The following NFYC variants were observed in gnomAD, a reference collection of about 807,000 sequenced individuals.
NFYC encodes nuclear transcription factor Y subunit gamma, also known as CAAT box DNA-binding protein subunit C.
Under a neutral mutation model 53.1 loss-of-function variants are expected in NFYC, and 25 were observed. That is an observed-to-expected ratio of 0.47 (90% CI 0.34 to 0.66). The LOEUF is 0.66. Among genes scored for constraint, NFYC ranks in the 30% least tolerant of loss-of-function variants. The pLI is 0.01. For missense variants in NFYC, 260 were observed against 422.7 expected, an observed-to-expected ratio of 0.62 and a Z score of 3.38; for synonymous variants, 145 against 152.6, an observed-to-expected ratio of 0.95 and a Z score of 0.37.
At chr1:40,757,185 C>T in intron 5 of NFYC, 1 of 263,228 alleles carries the variant, frequency 3.8e-6, no homozygotes, top group East Asian at 9.7e-5. Context: ...TTTTGTTGTC[C>T]CAGGCAGGGG....
intron 1 of NFYC, among the ~76,000 whole-genome samples, chr1:40,727,980 C>T (rs1474653525): frequency 6.6e-6 from 1 of 152,108 alleles, no homozygotes; most frequent in African/African-American, 2.4e-5. Context: ...ACTCTGTCAC[C>T]TAGGCTGGAG....
intron 3 of NFYC, among the ~76,000 whole-genome samples, chr1:40,748,477 A>G (rs1246661580): frequency 1.3e-5 from 2 of 152,190 alleles, no homozygotes; most frequent in African/African-American, 4.8e-5. Context: ...ATATACATGT[A>G]TCATCAAATC....
At chr1:40,723,149 A>G (rs573313576) in intron 1 of NFYC, 5 of 151,962 alleles carry the variant, frequency 3.3e-5, no homozygotes, top group Non-Finnish European at 7.4e-5. Context: ...TGAACTCTGA[A>G]GCCCGTAAGT....
intron 1 of NFYC, chr1:40,712,461 A>G (rs1643960848): frequency 6.6e-6 from 1 of 152,186 alleles, no homozygotes; most frequent in African/African-American, 2.4e-5. Flanking sequence ...GATTTGCATT[A>G]CAATGCAGGT....
At position 40,702,226 on chromosome 1, in the gene NFYC, A is replaced by T. The variant is rs894986109; in HGVS notation, c.-9+10359A>T. Among the ~76,000 whole-genome samples, 59 of 151,408 alleles carry T rather than the reference A, an allele frequency of 3.9e-4. 1 individual carries two copies. The highest frequency in any genetic ancestry group is 3.3e-4 in the Admixed American group (5 of 15,212). ...TAAGGTCCATTTATTAGTTTATTTC[A>T]TTCCTTCATTCACTGATAACCATTT... On this transcript the variant is annotated intron_variant, in intron 1 of 9. Transcript: ENST00000447388.
intron 4 of NFYC, among the ~76,000 whole-genome samples, chr1:40,751,052 A>G (rs529335982): frequency 1.3e-5 from 2 of 152,348 alleles, no homozygotes; most frequent in Non-Finnish European, 2.9e-5. Flanking sequence ...TTGTACCCAA[A>G]AGAACTGTAG....
At chr1:40,759,559 ATGTGTGTGTG>A (rs145020339) in intron 6 of NFYC, among the ~76,000 whole-genome samples, 2 of 149,216 alleles carry the variant, frequency 1.3e-5, no homozygotes, top group African/African-American at 4.9e-5. Context: ...AAAAAAGTAT[ATGTGTGTGTG>A]TGTGTGTATG....
At chr1:40,769,122 G>A (rs1032788721) in intron 8 of NFYC, 16 of 501,518 alleles carry the variant, frequency 3.2e-5, no homozygotes, top group South Asian at 2.7e-4. Context: ...ATGGGTGTGG[G>A]AACTATCTAT....
chr1:40,715,085 A>T (rs112958091), intron 1 of NFYC, among the ~76,000 whole-genome samples: 1 of 32,272 alleles, frequency 3.1e-5, no homozygotes, highest in Non-Finnish European at 5.2e-5. Flanking sequence ...ATGTCTCAAA[A>T]CAATAAATAA....
chr1:40,720,870 TA>T (rs893898336), intron 1 of NFYC, among the ~76,000 whole-genome samples: 3 of 152,036 alleles, frequency 2.0e-5, no homozygotes, highest in African/African-American at 4.8e-5. Flanking sequence ...CACTGTTATT[TA>T]AAAAAAATTT....
chr1:40,692,392 C>T (rs1642870620), intron 1 of NFYC: 1 of 152,856 alleles, frequency 6.5e-6, no homozygotes, highest in Non-Finnish European at 1.5e-5. Flanking sequence ...ATGGGGGACA[C>T]TCACTTTCAG....
intron 5 of NFYC, among the ~76,000 whole-genome samples, chr1:40,755,400 C>G (rs1480697053): frequency 6.6e-6 from 1 of 152,202 alleles, no homozygotes; most frequent in Non-Finnish European, 1.5e-5. Flanking sequence ...GGAAAAGGAA[C>G]TAGTCAGAAA....
chr1:40,736,395 A>G (rs1176943805), intron 1 of NFYC, among the ~76,000 whole-genome samples: 1 of 152,196 alleles, frequency 6.6e-6, no homozygotes, highest in Non-Finnish European at 1.5e-5. Context: ...TTCTGCTGTG[A>G]TAGAGTGTTC....
chr1:40,727,380 CAA>C (rs1314026903), intron 1 of NFYC, among the ~76,000 whole-genome samples: 9 of 133,744 alleles, frequency 6.7e-5, no homozygotes, highest in Non-Finnish European at 1.2e-4. Flanking sequence ...TGTGCCACCA[CAA>C]CCAGCTAATT....
At chr1:40,766,276 A>G (rs1462431638) in intron 7 of NFYC, 2 of 248,824 alleles carry the variant, frequency 8.0e-6, no homozygotes, top group African/African-American at 4.5e-5. Flanking sequence ...TCCTAAGATA[A>G]GCTGTGATCA....
rs374233432 is a variant in NFYC, at chr1:40,738,841, G to C, written c.-3G>C. The C allele has an allele frequency of 1.2e-6, 2 of 1,612,268 alleles. No homozygotes were observed. The highest frequency in any genetic ancestry group is 1.1e-5 in the South Asian group (1 of 90,982). On this transcript the variant is annotated 5_prime_UTR_variant, in exon 2 of 10. Transcript: ENST00000447388. ...ATGTATGTGTTTATTTTCAGTTGTC[G>C]AGATGTCCACAGAAGGAGGATTTGG...
At chr1:40,702,587 C>T (rs1458631536) in intron 1 of NFYC, among the ~76,000 whole-genome samples, 1 of 152,082 alleles carries the variant, frequency 6.6e-6, no homozygotes, top group African/African-American at 2.4e-5. Context: ...CGTGATCTAC[C>T]TGCCTCGGCC....
In NFYC at chr1:40,771,603, A is replaced by T. The variant is rs1483613271; in HGVS notation, c.*775A>T. ...AATGCAATAAATCTCATTTTAGATA[A>T]TTTAGAGTCTGGGTTTCTGTGTCTG... On this transcript the variant is annotated 3_prime_UTR_variant, in exon 10 of 10. Coordinates refer to ENST00000447388, the MANE Select transcript of NFYC (RefSeq NM_014223.5). The T allele has an allele frequency of 3.0e-6, 1 of 337,610 alleles. No homozygotes were observed. Among genetic ancestry groups the T allele is most frequent in the East Asian group, 9.6e-5 (1 of 10,410 alleles). The allele number at this position is 337,610 out of a possible 1,614,324, so 20.9% of individuals were successfully genotyped here.
chr1:40,699,576 T>G (rs937485048), intron 1 of NFYC, among the ~76,000 whole-genome samples: 8 of 152,236 alleles, frequency 5.3e-5, no homozygotes, highest in Non-Finnish European at 1.2e-4. Context: ...AAGCCAAGAA[T>G]GCTTGGTTGG....
Sources: allele counts gnomAD v4.1 joint callset (sites outside exome capture counted in the v4.1 genomes callset), GRCh38; gene constraint gnomAD v4.1.1; transcripts MANE v1.5; gene names NCBI Gene and HGNC (gene_info 2026-07-23, HGNC 2026-07-21).